RSPO3: variants seen among roughly 807,000 people sequenced by gnomAD.
The protein encoded by RSPO3 is R-spondin-3.
In RSPO3, 17 loss-of-function variants were observed where a neutral mutation model predicts 36.5. The observed-to-expected ratio is 0.47, with a 90% CI of 0.32 to 0.70. The LOEUF (loss-of-function observed/expected upper bound fraction) is 0.70, where lower values mean the gene tolerates loss of function less well. Ranked by LOEUF, RSPO3 falls within the 30% of genes least tolerant of loss-of-function variation. The probability of loss-of-function intolerance (pLI) is 0.04; values close to 1 mark genes in which losing one functional copy is unlikely to be tolerated. For missense variants in RSPO3, 294 were observed against 322.5 expected, an observed-to-expected ratio of 0.91 and a Z score of 0.68; for synonymous variants, 108 against 107.0, an observed-to-expected ratio of 1.01 and a Z score of -0.06.
At chr6:127,188,598 A>G (rs1302140040) in intron 4 of RSPO3, among the ~76,000 whole-genome samples, 5 of 151,810 alleles carry the variant, frequency 3.3e-5, no homozygotes, top group African/African-American at 1.2e-4. Flanking sequence ...ACATATATAT[A>G]TATATATATC....
chr6:127,153,373 A>G (rs1774528604), intron 3 of RSPO3, among the ~76,000 whole-genome samples: 1 of 150,902 alleles, frequency 6.6e-6, no homozygotes, highest in Non-Finnish European at 1.5e-5. Context: ...TGGAAATATT[A>G]TTTGGATGCT....
intron 4 of RSPO3, among the ~76,000 whole-genome samples, chr6:127,168,865 C>T (rs866326728): frequency 1.3e-5 from 2 of 151,956 alleles, no homozygotes; most frequent in South Asian, 2.1e-4. Context: ...AATCCTTTCC[C>T]CATTTCTTGT....
chr6:127,140,619 C>T (rs1489211228), intron 1 of RSPO3, among the ~76,000 whole-genome samples: 4 of 152,324 alleles, frequency 2.6e-5, no homozygotes, highest in South Asian at 2.1e-4. Flanking sequence ...AAAATTAACA[C>T]AAATTAAAGT....
chr6:127,169,270 C>A (rs952529238), intron 4 of RSPO3, among the ~76,000 whole-genome samples: 1 of 151,520 alleles, frequency 6.6e-6, no homozygotes, highest in Admixed American at 6.6e-5. Flanking sequence ...ACAACTTCTC[C>A]TTCTCAGATG....
chr6:127,150,690 GTCTC>G, intron 3 of RSPO3, 118 bp downstream of exon 3: 1 of 864,858 alleles, frequency 1.2e-6, no homozygotes, highest in Non-Finnish European at 1.7e-6. Context: ...CTTAAAGGCT[GTCTC>G]CATCCTTCTT....
intron 4 of RSPO3, among the ~76,000 whole-genome samples, chr6:127,158,436 C>A (rs1287779585): frequency 7.9e-5 from 12 of 152,042 alleles, no homozygotes; most frequent in Non-Finnish European, 1.2e-4. Context: ...AAGAGGTTAA[C>A]AATAGACAGA....
At chr6:127,157,640 T>C (rs1036226984) in intron 4 of RSPO3, among the ~76,000 whole-genome samples, 1 of 152,024 alleles carries the variant, frequency 6.6e-6, no homozygotes, top group Non-Finnish European at 1.5e-5. Flanking sequence ...AACTAGAAAA[T>C]GTAGGTGTTT....
chr6:127,176,348 A>C (rs1041811248), intron 4 of RSPO3, among the ~76,000 whole-genome samples: 2 of 151,830 alleles, frequency 1.3e-5, no homozygotes, highest in African/African-American at 4.8e-5. Flanking sequence ...TGGGAGTTAA[A>C]GCAATGACTA....
chr6:127,188,599 T>TATAA (rs1373643386), intron 4 of RSPO3, among the ~76,000 whole-genome samples: 1 of 151,728 alleles, frequency 6.6e-6, no homozygotes, highest in African/African-American at 2.4e-5. Context: ...CATATATATA[T>TATAA]ATATATATCA....
rs1473168019 is a variant in RSPO3 at position 127,119,385 on chromosome 6, C to T, written c.97+96C>T. The T allele has an allele frequency of 3.5e-6, 3 of 853,906 alleles. No homozygotes were observed. The East Asian group carries it at 7.3e-5, about 21-fold the overall frequency. The allele number at this position is 853,906 out of a possible 1,614,324, so 52.9% of individuals were successfully genotyped here. ...GGAGCCGGCTCCCAACTGCAGCGGT[C>T]CTCCCGCCCTGCGCCTCGCAGAGGA... On this transcript the variant is annotated intron_variant, in intron 1 of 4. Transcript: ENST00000356698.
intron 3 of RSPO3, among the ~76,000 whole-genome samples, chr6:127,151,004 A>G (rs1302880379): frequency 6.6e-6 from 1 of 151,878 alleles, no homozygotes. Context: ...TTCATAAAAC[A>G]CCTAGGTCTA....
intron 4 of RSPO3, among the ~76,000 whole-genome samples, chr6:127,165,386 A>C (rs1222624421): frequency 2.0e-5 from 3 of 152,082 alleles, no homozygotes; most frequent in Admixed American, 6.6e-5. Flanking sequence ...TATGCTGCTT[A>C]TCTGTTTTCC....
In RSPO3 at chr6:127,196,222, T is replaced by A. The variant is rs1045714551; in HGVS notation, c.*215T>A. On this transcript the variant is annotated 3_prime_UTR_variant, in exon 5 of 5. Transcript: ENST00000356698. The stretch of plus-strand genomic sequence containing the variant: ...GATACTTTCAGATGGTTGTCTTGTG[T>A]GCTTCTCTGCATTTTTAAAAGACAA... 4 of 338,814 alleles carry A rather than the reference T, an allele frequency of 1.2e-5. No individual in the cohort carries two copies. The highest frequency in any genetic ancestry group is 2.1e-5 in the Non-Finnish European group (4 of 188,080). 21.0% of individuals were successfully genotyped at this position (338,814 alleles called of 1,614,324 possible).
intron 4 of RSPO3, among the ~76,000 whole-genome samples, chr6:127,171,230 C>T (rs7775715): frequency 0.47 from 70,819 of 151,186 alleles, 16,742 homozygotes; most frequent in East Asian, 0.53. Flanking sequence ...GACTTTTTGC[C>T]ACAGAAAAGC....
chr6:127,141,198 G>A (rs980100914), intron 1 of RSPO3, among the ~76,000 whole-genome samples: 1 of 152,190 alleles, frequency 6.6e-6, no homozygotes, highest in Non-Finnish European at 1.5e-5. Context: ...AGTTTCCACA[G>A]TGTATCCATA....
chr6:127,130,520 C>T (rs1936806), intron 1 of RSPO3, among the ~76,000 whole-genome samples: 59,978 of 151,962 alleles, frequency 0.39, 12,111 homozygotes, highest in East Asian at 0.53. Flanking sequence ...GACAAATAAA[C>T]CCTGTCCTTG....
chr6:127,152,106 G>A (rs72959063), intron 3 of RSPO3, among the ~76,000 whole-genome samples: 4 of 152,154 alleles, frequency 2.6e-5, no homozygotes, highest in Non-Finnish European at 5.9e-5. Context: ...TGGCACTATT[G>A]GATTTGCCTT....
At chr6:127,155,716 G>A (rs796109772) in intron 4 of RSPO3, among the ~76,000 whole-genome samples, 4 of 152,042 alleles carry the variant, frequency 2.6e-5, no homozygotes, top group South Asian at 2.1e-4. Context: ...ACTATAATCT[G>A]CTTTGCTAGT....
intron 4 of RSPO3, among the ~76,000 whole-genome samples, chr6:127,173,597 T>C (rs974586021): frequency 5.9e-5 from 9 of 151,880 alleles, no homozygotes; most frequent in Non-Finnish European, 1.2e-4. Context: ...ATGAAGCATA[T>C]ATGGTCTCCT....
Sources: allele counts gnomAD v4.1 joint callset (sites outside exome capture counted in the v4.1 genomes callset), GRCh38; gene constraint gnomAD v4.1.1; transcripts MANE v1.5; gene names NCBI Gene and HGNC (gene_info 2026-07-23, HGNC 2026-07-21).